The following EEA1 variants were observed in gnomAD, a reference collection of about 807,000 sequenced individuals.
The protein encoded by EEA1 is early endosome antigen 1.
Under a neutral mutation model 209.2 loss-of-function variants are expected in EEA1, and 111 were observed. The ratio of observed to expected loss-of-function variants is 0.53; its 90% confidence interval spans 0.45 to 0.62. EEA1 has a LOEUF of 0.62. EEA1 is among the 20% of genes least tolerant of loss of function. The probability of loss-of-function intolerance (pLI) is 0.00; values close to 1 mark genes in which losing one functional copy is unlikely to be tolerated. For synonymous variants in EEA1, 536 were observed against 540.6 expected (o/e 0.99, Z 0.12); for missense variants, 1,343 against 1,530.8 (o/e 0.88, Z 2.05).
At chr12:92,851,936 AGAT>A (rs1250344086) in intron 8 of EEA1, among the ~76,000 whole-genome samples, 3 of 152,138 alleles carry the variant, frequency 2.0e-5, no homozygotes, top group Admixed American at 2.0e-4. Context: ...CTAAAATGAC[AGAT>A]GATATTTAGA....
chr12:92,860,168 G>GA, intron 3 of EEA1, among the ~76,000 whole-genome samples: 1 of 152,136 alleles, frequency 6.6e-6, no homozygotes, highest in Admixed American at 6.5e-5. Context: ...CCTAGCTCTA[G>GA]AAAAAAAGGC....
chr12:92,782,069 G>T lies in EEA1; in HGVS notation c.3217C>A (p.Gln1073Lys), dbSNP rs1276096007. 1.2e-6 allele frequency: 2 copies of T among 1,612,308 alleles called. No individual in the cohort carries two copies. The highest frequency in any genetic ancestry group is 8.5e-7 in the Non-Finnish European group (1 of 1,179,014). Reference sequence around the variant, plus strand: ...TTCAGTTCTTGAATCAATTTATTTTGATTTCCAATTTGATTTCTGTTTGAA... The same window carrying T: ...TTCAGTTCTTGAATCAATTTATTTTTATTTCCAATTTGATTTCTGTTTGAA... ...LISNRNQIGN[Q>K]NKLIQELKTA... is the part of the protein sequence containing the mutation. The change falls in exon 23 of 29, where the codon CAA (glutamine) becomes AAA (lysine). Residue 1073 changes from glutamine (Q) to lysine (K), a missense_variant. By Grantham distance (53) the Gln-to-Lys change is moderately conservative (BLOSUM62 1). Around this residue, in one of 3 missense-constraint regions of EEA1, gnomAD observed 1,307 missense variants for 1,465.5 expected, o/e 0.89. Coordinates refer to ENST00000322349, the MANE Select transcript of EEA1 (RefSeq NM_003566.4).
At chr12:92,832,387 A>G (rs1411440746) in intron 11 of EEA1, 125 bp downstream of exon 11, 1 of 907,850 alleles carries the variant, frequency 1.1e-6, no homozygotes, top group African/African-American at 1.7e-5. Context: ...TATAAAAGTT[A>G]AGAGTTAATC....
chr12:92,815,315 C>T (rs961205363), intron 15 of EEA1, among the ~76,000 whole-genome samples: 1 of 152,174 alleles, frequency 6.6e-6, no homozygotes, highest in Admixed American at 6.5e-5. Context: ...GAAAGAATCA[C>T]AGACTGCCCT....
chr12:92,802,504 G>A lies in EEA1; in HGVS notation c.2570C>T (p.Thr857Ile). 6.3e-7 allele frequency: 1 copy of A among 1,593,034 alleles called. No homozygotes were observed. Among genetic ancestry groups the A allele is most frequent in the Non-Finnish European group, 8.5e-7 (1 of 1,173,858 alleles). The change falls in exon 19 of 29, where the codon ACA becomes ATA. Residue 857 changes from threonine (T) to isoleucine (I), a missense_variant. Coordinates refer to ENST00000322349, the MANE Select transcript of EEA1 (RefSeq NM_003566.4). Reference sequence around the variant, plus strand: ...AACTTTTGATAGTTTGTCCTTTACTGTAGAAAGCTCTGTCATTAAAGCTTC... The same window carrying A: ...AACTTTTGATAGTTTGTCCTTTACTATAGAAAGCTCTGTCATTAAAGCTTC... ...EKEALMTELS[T>I]VKDKLSKVSD...
Position 92,875,432 on chromosome 12 carries a change from T to C in EEA1, c.118-10445A>G, listed in dbSNP as rs142340945. Among the ~76,000 whole-genome samples the C allele has an allele frequency of 8.0e-3, 1,211 of 152,174 alleles. 25 individuals carry two copies. The highest frequency in any genetic ancestry group is 0.027 in the African/African-American group (1,114 of 41,526). ...GACTGGGCGACAGAGTGATACTCTG[T>C]CTCAAAAAAGAAAAACTTACATTTT... is the stretch of plus-strand genomic sequence containing the variant. On this transcript the variant is annotated intron_variant, in intron 2 of 28. Transcript: ENST00000322349.
intron 13 of EEA1, among the ~76,000 whole-genome samples, chr12:92,825,432 C>T (rs988288788): frequency 1.3e-5 from 2 of 151,144 alleles, no homozygotes; most frequent in African/African-American, 4.9e-5. Context: ...CCAGCTCCAG[C>T]CTGGGCGAAA....
rs560736704 is a variant in EEA1 at position 92,907,612 on chromosome 12, G to A, written c.25-15891C>T. On this transcript the variant is annotated intron_variant, in intron 1 of 28. Coordinates refer to ENST00000322349, the MANE Select transcript of EEA1 (RefSeq NM_003566.4). Reference sequence around the variant, plus strand: ...TGGACGATAAAAGAGACCTAATATAGCACTCTATACCTCTACATCCACATT... The same window carrying A: ...TGGACGATAAAAGAGACCTAATATAACACTCTATACCTCTACATCCACATT... Among the ~76,000 whole-genome samples, 273 of 152,138 alleles carry A rather than the reference G, an allele frequency of 1.8e-3. 3 individuals are homozygous for A. The highest frequency in any genetic ancestry group is 6.4e-3 in the African/African-American group (265 of 41,500).
chr12:92,825,911 T>C (rs1432902396), intron 13 of EEA1, among the ~76,000 whole-genome samples: 1 of 149,798 alleles, frequency 6.7e-6, no homozygotes, highest in Non-Finnish European at 1.5e-5. Flanking sequence ...AAATACATAA[T>C]AAATTAGTTT....
chr12:92,836,035 G>A (rs192941116), intron 10 of EEA1, among the ~76,000 whole-genome samples: 4 of 152,184 alleles, frequency 2.6e-5, no homozygotes, highest in Non-Finnish European at 4.4e-5. Context: ...TTAAACTATA[G>A]TGAAATTCAT....
Position 92,779,183 on chromosome 12 carries a change from G to C in EEA1, c.3586C>G (p.Leu1196Val), listed in dbSNP as rs1481227061. The C allele has an allele frequency of 4.3e-6, 7 of 1,610,884 alleles. No homozygotes were observed. Among genetic ancestry groups the C allele is most frequent in the African/African-American group, 1.3e-5 (1 of 74,612 alleles). The stretch of plus-strand genomic sequence containing the variant: ...TCTTCCTTTTTCACCTGGTCTTTTA[G>C]TATCTGCTGATTTCTCTTCTCCTGT... ...VEQEKRNQQI[L>V]KDQVKKEEEE... The change falls in exon 25 of 29, where the codon CTA becomes GTA. Residue 1196 changes from leucine to valine, a missense_variant. Leu to Val is a conservative substitution (Grantham distance 32). Transcript: ENST00000322349.
intron 10 of EEA1, among the ~76,000 whole-genome samples, chr12:92,836,608 A>G (rs964605594): frequency 2.0e-5 from 3 of 152,198 alleles, no homozygotes; most frequent in Non-Finnish European, 4.4e-5. Flanking sequence ...TATGAGATAC[A>G]TATGCTCTTA....
In EEA1 at chr12:92,819,314, C is replaced by T. The variant is rs779958350; in HGVS notation, c.1722G>A (p.Gln574=). The change falls in exon 14 of 29, where the codon CAG becomes CAA. Residue 574 remains glutamine, a synonymous_variant. Transcript: ENST00000322349. ...ATATATTTTACAAGCTTACTTGCTC[C>T]TGTAGTGTATGGTTTTTTTCTTGTA... The part of the protein sequence containing the change: ...NQLQEKNHTL[Q]EQVTQLTEKL... 1.2e-6 allele frequency: 2 copies of T among 1,606,558 alleles called. No individual in the cohort carries two copies. The highest frequency in any genetic ancestry group is 1.7e-6 in the Non-Finnish European group (2 of 1,176,958).
chr12:92,901,396 A>T (rs763483606), intron 1 of EEA1, among the ~76,000 whole-genome samples: 19 of 151,792 alleles, frequency 1.3e-4, no homozygotes, highest in Non-Finnish European at 2.4e-4. Flanking sequence ...CACCAAAAAT[A>T]CCCTTTCTCA....
intron 2 of EEA1, among the ~76,000 whole-genome samples, chr12:92,879,542 G>T (rs1879050177): frequency 6.6e-6 from 1 of 151,908 alleles, no homozygotes; most frequent in South Asian, 2.1e-4. Context: ...TCAAAGGGAA[G>T]GGGGAGGGGA....
At chr12:92,808,986 C>T in intron 18 of EEA1, 31 bp downstream of exon 18, 1 of 1,548,520 alleles carries the variant, frequency 6.5e-7, no homozygotes, top group South Asian at 1.3e-5. Flanking sequence ...AATCTTTTCC[C>T]TTAATTTGTA....
Position 92,781,982 on chromosome 12 carries a change from A to C in EEA1, c.3304T>G (p.Cys1102Gly). 1 of 1,613,214 alleles carries C rather than the reference A, an allele frequency of 6.2e-7. No homozygotes were observed. Among genetic ancestry groups the C allele is most frequent in the Non-Finnish European group, 8.5e-7 (1 of 1,179,426 alleles). ...TTCTGAATGTCTTGTAGTGCTTTAC[A>C]TCGCTCCTGCAATTGCTGTTCTTTC... ...AKKEQQLQER[C>G]KALQDIQKEK... The change falls in exon 23 of 29, where the codon TGT becomes GGT. Residue 1102 changes from cysteine (C) to glycine (G), a missense_variant. Coordinates refer to ENST00000322349, the MANE Select transcript of EEA1 (RefSeq NM_003566.4).
intron 11 of EEA1, among the ~76,000 whole-genome samples, chr12:92,828,881 C>T (rs916962002): frequency 1.3e-5 from 2 of 152,058 alleles, no homozygotes; most frequent in African/African-American, 4.8e-5. Context: ...CCAAGTACCA[C>T]CTCCTCTCTC....
intron 3 of EEA1, among the ~76,000 whole-genome samples, chr12:92,859,573 G>C (rs189626865): frequency 4.1e-4 from 62 of 152,242 alleles, no homozygotes; most frequent in Admixed American, 3.2e-3. Flanking sequence ...TTGCTATTCT[G>C]TCCCTAGGTG....
Sources: allele counts gnomAD v4.1 joint callset (sites outside exome capture counted in the v4.1 genomes callset), GRCh38; gene constraint gnomAD v4.1.1; regional missense constraint gnomAD v4.1.1; transcripts MANE v1.5; gene names NCBI Gene and HGNC (gene_info 2026-07-23, HGNC 2026-07-21).